The following KIF25 variants were observed in gnomAD, a reference collection of about 807,000 sequenced individuals.
KIF25 encodes kinesin-like protein KIF25.
KIF25 carries 19 observed loss-of-function variants against 32.9 expected under a neutral mutation model. The observed-to-expected ratio is 0.58, with a 90% confidence interval of 0.40 to 0.85. KIF25 has a LOEUF of 0.85. KIF25 is among the 40% of genes least tolerant of loss of function. KIF25 has a pLI of 0.00. For missense variants in KIF25, 485 were observed against 507.0 expected, an observed-to-expected ratio of 0.96 and a Z score of 0.42; for synonymous variants, 225 against 213.7, an observed-to-expected ratio of 1.05 and a Z score of -0.46.
At position 168,030,595 on chromosome 6, in the gene KIF25, C is replaced by T. The variant is rs1212789732; in HGVS notation, c.93-178C>T. The stretch of plus-strand genomic sequence containing the variant: ...CATAGCAGAAAGTACTATCTTTACT[C>T]TTTATTAACCTCTGTTATCTTGAAA... On this transcript the variant is annotated intron_variant, in intron 6 of 12. Transcript: ENST00000643607. 3 of 456,876 alleles carry T rather than the reference C, an allele frequency of 6.6e-6. No individual in the cohort carries two copies. In the East Asian group the frequency reaches 1.1e-4, roughly 17 times the overall value. The allele number at this position is 456,876 out of a possible 1,614,324, so 28.3% of individuals were successfully genotyped here.
chr6:168,030,164 C>A (rs1798920778), intron 6 of KIF25, among the ~76,000 whole-genome samples: 1 of 152,264 alleles, frequency 6.6e-6, no homozygotes, highest in South Asian at 2.1e-4. Context: ...TTTATTTGTA[C>A]CTGTTTATAG....
chr6:168,021,266 G>C (rs1029843062), intron 5 of KIF25, among the ~76,000 whole-genome samples: 48 of 152,174 alleles, frequency 3.2e-4, no homozygotes, highest in African/African-American at 1.1e-3. Context: ...GTTGTTAAGA[G>C]AATTTTTCTG....
rs144813171 is a variant in KIF25 at position 168,038,613 on chromosome 6, C to T, written c.378C>T (p.Tyr126=). 217 of 1,614,030 alleles carry T rather than the reference C, an allele frequency of 1.3e-4. No individual in the cohort carries two copies. The highest frequency in any genetic ancestry group is 4.0e-5 in the African/African-American group (3 of 74,906). The change falls in exon 9 of 13, where the codon TAC becomes TAT. Residue 126 remains tyrosine (Y), a synonymous_variant. Transcript: ENST00000643607. The stretch of plus-strand genomic sequence containing the variant: ...TTGAAGTCTCCATAGTGGAAGTTTA[C>T]AATAATGACATTTTTGACCTTCTGG... ...PKVEVSIVEV[Y]NNDIFDLLAK...
intron 4 of KIF25, among the ~76,000 whole-genome samples, chr6:168,015,399 G>A (rs1798700053): frequency 6.6e-6 from 1 of 152,180 alleles, no homozygotes; most frequent in African/African-American, 2.4e-5. Flanking sequence ...TAGGAAATTG[G>A]ATATAAATAA....
At position 168,042,525 on chromosome 6, in the gene KIF25, G is replaced by A. The variant is rs370684837; in HGVS notation, c.830-36G>A. On this transcript the variant is annotated intron_variant, in intron 11 of 12. Coordinates refer to ENST00000643607, the MANE Select transcript of KIF25 (RefSeq NM_030615.4). ...TTTGCTTTTCCTGCCTCCTTTCTTGGTGCAAACGGTGATGGTGCGTGGCGG... is the reference window on the plus strand; with the variant it reads ...TTTGCTTTTCCTGCCTCCTTTCTTGATGCAAACGGTGATGGTGCGTGGCGG... 7.7e-5 allele frequency: 122 copies of A among 1,592,234 alleles called. No homozygotes were observed. The African/African-American group carries it at 1.5e-3, about 19-fold the overall frequency.
intron 8 of KIF25, among the ~76,000 whole-genome samples, chr6:168,037,551 A>G (rs1455628937): frequency 6.6e-6 from 1 of 152,202 alleles, no homozygotes; most frequent in Non-Finnish European, 1.5e-5. Flanking sequence ...GAGTTTTGTC[A>G]GAGACAAACC....
chr6:168,040,025 CCG>C (rs1799092637), intron 9 of KIF25, 38 bp from the exon 10 acceptor site: 2 of 1,578,140 alleles, frequency 1.3e-6, no homozygotes, highest in Admixed American at 1.7e-5. Flanking sequence ...GTAAGGGGGG[CCG>C]CCCTCACTGT....
intron 12 of KIF25, 84 bp downstream of exon 12, chr6:168,042,800 G>T: frequency 6.8e-7 from 1 of 1,475,336 alleles, no homozygotes; most frequent in Non-Finnish European, 9.1e-7. Context: ...GCACGTCCTC[G>T]AGGGCCACCC....
chr6:167,998,608 A>G lies in KIF25; in HGVS notation c.-861A>G, dbSNP rs189902904. 1.3e-5 allele frequency: 2 copies of G among 152,350 alleles called. No individual in the cohort carries two copies. Among genetic ancestry groups the G allele is most frequent in the Non-Finnish European group, 2.9e-5 (2 of 68,048 alleles). 9.4% of individuals were successfully genotyped at this position (152,350 alleles called of 1,614,324 possible). A position where few individuals can be genotyped will look rare whatever the true frequency, so the allele number is the denominator to read the frequency against. ...CCAGTCATTAAATCAAGGAAATATG[A>G]CAGATACTGAATTTCCAAAATCCCC... On this transcript the variant is annotated 5_prime_UTR_variant, in exon 1 of 13. Coordinates refer to ENST00000643607, the MANE Select transcript of KIF25 (RefSeq NM_030615.4).
Position 168,000,918 on chromosome 6 carries a change from G to A in KIF25, c.-370+1598G>A, listed in dbSNP as rs550620815. Among the ~76,000 whole-genome samples, 3 of 152,390 alleles carry A rather than the reference G, an allele frequency of 2.0e-5. No homozygotes were observed. The East Asian group carries it at 5.8e-4, about 29-fold the overall frequency. On this transcript the variant is annotated intron_variant, in intron 2 of 12. Coordinates refer to ENST00000643607, the MANE Select transcript of KIF25 (RefSeq NM_030615.4). ...AGCCTCACAGTGTTTGCATCCTGCA[G>A]TTTAGCACCTGACTTGAGAAGGTCT...
At chr6:168,013,258 C>T (rs185271475) in intron 4 of KIF25, among the ~76,000 whole-genome samples, 174 of 151,670 alleles carry the variant, frequency 1.1e-3, no homozygotes, top group African/African-American at 4.0e-3. Context: ...AACTCAAGGG[C>T]AGGGTTGCTG....
In KIF25 at chr6:168,044,943, G is replaced by A. The variant is rs1333286954; in HGVS notation, c.1102G>A (p.Ala368Thr). ...IRARQVQRGP[A>T]RKKPPSSQTE... ...AGCTCGGCAAGTCCAGCGAGGCCCT[G>A]CCCGAAAGAAGCCGCCCAGCTCCCA... is the stretch of plus-strand genomic sequence containing the variant. Residue 368 changes from alanine to threonine, a missense_variant, in exon 13 of 13, where the codon GCC becomes ACC. Ala to Thr is a moderately conservative substitution (Grantham distance 58, BLOSUM62 0). This residue lies in a region of KIF25 where 480 missense variants were observed against 470.3 expected (regional missense o/e 1.02). Coordinates refer to ENST00000643607, the MANE Select transcript of KIF25 (RefSeq NM_030615.4). 6.2e-7 allele frequency: 1 copy of A among 1,611,322 alleles called. No homozygotes were observed. The highest frequency in any genetic ancestry group is 8.5e-7 in the Non-Finnish European group (1 of 1,177,924).
At chr6:168,016,162 G>T (rs950351863) in intron 4 of KIF25, among the ~76,000 whole-genome samples, 37 of 152,260 alleles carry the variant, frequency 2.4e-4, no homozygotes, top group African/African-American at 8.9e-4. Flanking sequence ...CTGTTCTTAT[G>T]GCGAGGCCAG....
Position 168,035,601 on chromosome 6 carries a change from G to A in KIF25, c.317+1570G>A, listed in dbSNP as rs115673721. 2.3e-3 allele frequency: 998 copies of A among 431,184 alleles called. 12 individuals are homozygous for A. The highest frequency in any genetic ancestry group is 0.018 in the African/African-American group (885 of 49,490). 26.7% of individuals were successfully genotyped at this position (431,184 alleles called of 1,614,324 possible). On this transcript the variant is annotated intron_variant, in intron 8 of 12. Transcript: ENST00000643607. Reference sequence around the variant, plus strand: ...GATCCATCAGGAAGATGGCCAGGCGGCTGCGCCTCTCCAGAAACCGGATAA... The same window carrying A: ...GATCCATCAGGAAGATGGCCAGGCGACTGCGCCTCTCCAGAAACCGGATAA...
chr6:168,012,712 C>T (rs1158284918), intron 4 of KIF25, among the ~76,000 whole-genome samples: 1 of 151,980 alleles, frequency 6.6e-6, no homozygotes, highest in African/African-American at 2.4e-5. Context: ...CTGCTCAGCT[C>T]GTCTGGGGTG....
rs1404954240 is a variant in KIF25, at chr6:167,997,743, A to G, written c.-1726A>G. On this transcript the variant is annotated 5_prime_UTR_variant, in exon 1 of 13. Transcript: ENST00000643607. Reference sequence around the variant, plus strand: ...ATTTAATGTAAAGTCTCAGGGTTTGATTTTGCAACACGAGGATGCCAAGGT... The same window carrying G: ...ATTTAATGTAAAGTCTCAGGGTTTGGTTTTGCAACACGAGGATGCCAAGGT... 2.0e-5 allele frequency among the ~76,000 whole-genome samples: 3 copies of G among 151,736 alleles called. No individual in the cohort carries two copies. Among genetic ancestry groups the G allele is most frequent in the African/African-American group, 7.3e-5 (3 of 41,366 alleles).
intron 4 of KIF25, among the ~76,000 whole-genome samples, chr6:168,005,501 C>T (rs1798568090): frequency 6.6e-6 from 1 of 152,264 alleles, no homozygotes; most frequent in Admixed American, 6.5e-5. Context: ...TGCTCAGCTT[C>T]GACCCTGTAT....
At chr6:168,036,402 G>GCCCCGCCCCT (rs555270496) in intron 8 of KIF25, among the ~76,000 whole-genome samples, 1 of 152,186 alleles carries the variant, frequency 6.6e-6, no homozygotes, top group Non-Finnish European at 1.5e-5. Flanking sequence ...ACAAAGCCTG[G>GCCCCGCCCCT]CCCCGCCCCT....
intron 10 of KIF25, among the ~76,000 whole-genome samples, chr6:168,040,598 CA>C (rs1562392403): frequency 6.6e-6 from 1 of 151,628 alleles, no homozygotes; most frequent in African/African-American, 2.4e-5. Context: ...GAAGAAAAAT[CA>C]GCATGCCTGC....
Sources: allele counts gnomAD v4.1 joint callset (sites outside exome capture counted in the v4.1 genomes callset), GRCh38; gene constraint gnomAD v4.1.1; regional missense constraint gnomAD v4.1.1; transcripts MANE v1.5; gene names NCBI Gene and HGNC (gene_info 2026-07-23, HGNC 2026-07-21).